Variants in CCSER1 observed in about 807,000 individuals in gnomAD.
The protein encoded by CCSER1 is serine-rich coiled-coil domain-containing protein 1.
Under a neutral mutation model 82.0 loss-of-function variants are expected in CCSER1, and 41 were observed. That is an observed-to-expected ratio of 0.50 (90% CI 0.39 to 0.65). The LOEUF is 0.65. CCSER1 is among the 30% of genes least tolerant of loss of function. CCSER1 has a pLI of 0.00. For synonymous variants in CCSER1, 414 were observed against 383.9 expected (o/e 1.08, Z -0.92); for missense variants, 1,119 against 1,064.2 (o/e 1.05, Z -0.72).
At chr4:90,670,752 G>A (rs1282504701) in intron 6 of CCSER1, among the ~76,000 whole-genome samples, 1 of 151,902 alleles carries the variant, frequency 6.6e-6, no homozygotes, top group Non-Finnish European at 1.5e-5. Context: ...CTGTCACTGA[G>A]TACCTGTTAG....
At chr4:91,257,734 G>C (rs1023850042) in intron 10 of CCSER1, among the ~76,000 whole-genome samples, 2 of 152,034 alleles carry the variant, frequency 1.3e-5, no homozygotes, top group African/African-American at 4.8e-5. Context: ...CATTCAGCAT[G>C]TTCTGAATTA....
intron 5 of CCSER1, among the ~76,000 whole-genome samples, chr4:90,481,109 G>T (rs1765882256): frequency 6.6e-6 from 1 of 152,110 alleles, no homozygotes; most frequent in East Asian, 1.9e-4. Context: ...TTGTAAGTTG[G>T]ATTCCTAGGT....
At chr4:90,908,050 G>A (rs576635906) in intron 8 of CCSER1, among the ~76,000 whole-genome samples, 7 of 152,218 alleles carry the variant, frequency 4.6e-5, no homozygotes, top group Admixed American at 1.3e-4. Context: ...ATAAGGAAGT[G>A]TGGAGTCAAT....
intron 10 of CCSER1, among the ~76,000 whole-genome samples, chr4:91,136,892 A>T (rs1728515955): frequency 6.6e-6 from 1 of 152,180 alleles, no homozygotes; most frequent in South Asian, 2.1e-4. Context: ...TTGTGCTGAA[A>T]TAATTTGATT....
intron 9 of CCSER1, among the ~76,000 whole-genome samples, chr4:91,038,989 G>T (rs1741685567): frequency 1.3e-5 from 2 of 152,102 alleles, no homozygotes; most frequent in Non-Finnish European, 2.9e-5. Context: ...TAAAAATTAT[G>T]ATTCTTAGTT....
chr4:91,161,468 C>A (rs903077145), intron 10 of CCSER1, among the ~76,000 whole-genome samples: 1 of 152,108 alleles, frequency 6.6e-6, no homozygotes, highest in East Asian at 1.9e-4. Flanking sequence ...GTGGGGATGG[C>A]ATTGAATCTA....
chr4:91,141,800 C>A (rs1326216220), intron 10 of CCSER1, among the ~76,000 whole-genome samples: 1 of 151,990 alleles, frequency 6.6e-6, no homozygotes, highest in South Asian at 2.1e-4. Context: ...TGTTTTTGGC[C>A]CTTTTAATAA....
rs144580371 is a variant in CCSER1 at position 90,366,310 on chromosome 4, A to G, written c.1510-33726A>G. Reference sequence around the variant, plus strand: ...TAGTATCTTAATCACTTTGGAATCAATATCATTGTGTGTGTATTTTCTCTT... The same window carrying G: ...TAGTATCTTAATCACTTTGGAATCAGTATCATTGTGTGTGTATTTTCTCTT... On this transcript the variant is annotated intron_variant, in intron 3 of 10. Transcript: ENST00000509176. Among the ~76,000 whole-genome samples the G allele has an allele frequency of 5.5e-3, 825 of 150,498 alleles. 12 individuals carry two copies. The highest frequency in any genetic ancestry group is 6.8e-3 in the Non-Finnish European group (456 of 67,012).
chr4:90,722,997 G>C (rs1370297825), intron 6 of CCSER1, among the ~76,000 whole-genome samples: 2 of 151,814 alleles, frequency 1.3e-5, no homozygotes, highest in African/African-American at 4.8e-5. Flanking sequence ...TCATTCTTTG[G>C]TTTTAATCTT....
At chr4:90,573,527 A>G (rs1057449757) in intron 5 of CCSER1, among the ~76,000 whole-genome samples, 8 of 152,332 alleles carry the variant, frequency 5.3e-5, no homozygotes, top group Middle Eastern at 3.4e-3. Flanking sequence ...TGGATGATGT[A>G]AAACAGTCTT....
intron 7 of CCSER1, among the ~76,000 whole-genome samples, chr4:90,754,763 A>G (rs7670419): frequency 0.027 from 4,059 of 152,282 alleles, 148 homozygotes; most frequent in African/African-American, 0.086. Flanking sequence ...AATAGCATTC[A>G]GCTGCAAAAA....
chr4:90,789,626 G>C (rs746059790), intron 7 of CCSER1, among the ~76,000 whole-genome samples: 1 of 152,062 alleles, frequency 6.6e-6, no homozygotes, highest in Non-Finnish European at 1.5e-5. Flanking sequence ...ATCTTTTCCT[G>C]TGCTGTTCTT....
At chr4:90,668,075 T>C (rs1237883807) in intron 6 of CCSER1, among the ~76,000 whole-genome samples, 1 of 152,144 alleles carries the variant, frequency 6.6e-6, no homozygotes, top group Non-Finnish European at 1.5e-5. Flanking sequence ...TTTTGGTAGA[T>C]CTAAAGATGC....
At chr4:90,775,549 C>T (rs1752784846) in intron 7 of CCSER1, among the ~76,000 whole-genome samples, 1 of 152,094 alleles carries the variant, frequency 6.6e-6, no homozygotes, top group Non-Finnish European at 1.5e-5. Context: ...TTAAATGCAG[C>T]AGTTTCTGTT....
chr4:91,417,430 T>C (rs927319095), intron 10 of CCSER1, among the ~76,000 whole-genome samples: 1 of 152,084 alleles, frequency 6.6e-6, no homozygotes, highest in African/African-American at 2.4e-5. Flanking sequence ...AGCAAAGATA[T>C]TGAATCAACC....
chr4:90,147,931 G>A (rs758638155), intron 1 of CCSER1, among the ~76,000 whole-genome samples: 1 of 152,160 alleles, frequency 6.6e-6, no homozygotes. Context: ...TTGGGAGGCC[G>A]AGATGGATAG....
intron 10 of CCSER1, among the ~76,000 whole-genome samples, chr4:91,284,883 C>T (rs551125329): frequency 6.6e-6 from 1 of 152,150 alleles, no homozygotes; most frequent in East Asian, 1.9e-4. Flanking sequence ...ATCCGTGAAT[C>T]ACTTCAACAA....
intron 10 of CCSER1, among the ~76,000 whole-genome samples, chr4:91,358,162 C>T (rs1480747915): frequency 6.6e-6 from 1 of 151,794 alleles, no homozygotes; most frequent in Non-Finnish European, 1.5e-5. Flanking sequence ...GCTGCCTCTG[C>T]CAGCTGCTTA....
At chr4:90,253,581 T>C (rs76177399) in intron 1 of CCSER1, among the ~76,000 whole-genome samples, 6,807 of 152,258 alleles carry the variant, frequency 0.045, 388 homozygotes, top group African/African-American at 0.13. Flanking sequence ...CCTTAATATG[T>C]GACAAACCAT....
Sources: allele counts gnomAD v4.1 joint callset (sites outside exome capture counted in the v4.1 genomes callset), GRCh38; gene constraint gnomAD v4.1.1; transcripts MANE v1.5; gene names NCBI Gene and HGNC (gene_info 2026-07-23, HGNC 2026-07-21).